Variants in BPI observed in about 807,000 individuals in gnomAD.
BPI encodes the protein bactericidal permeability increasing protein, also known as bactericidal permeability-increasing protein.
Under a neutral mutation model 57.6 loss-of-function variants are expected in BPI, and 48 were observed. The ratio of observed to expected loss-of-function variants is 0.83; its 90% CI spans 0.66 to 1.06. BPI has a LOEUF of 1.06. Among genes scored for constraint, BPI ranks in the 50% least tolerant of loss-of-function variants. The pLI is 0.00. For missense variants in BPI, 651 were observed against 609.7 expected (o/e 1.07, Z -0.71); for synonymous variants, 237 against 238.2 (o/e 0.99, Z 0.05).
At chr20:38,310,180 G>C (rs771739214) in intron 3 of BPI, among the ~76,000 whole-genome samples, 15 of 152,190 alleles carry the variant, frequency 9.9e-5, no homozygotes, top group Non-Finnish European at 2.2e-4. Context: ...TGCTGATCCA[G>C]GGTCTGAGGG....
At chr20:38,331,840 T>G (rs2076744061) in intron 12 of BPI, among the ~76,000 whole-genome samples, 1 of 139,304 alleles carries the variant, frequency 7.2e-6, no homozygotes, top group Admixed American at 7.2e-5. Flanking sequence ...TGAAATCTTG[T>G]CTCAAAAAAA....
intron 5 of BPI, among the ~76,000 whole-genome samples, chr20:38,313,766 G>A (rs1196578635): frequency 4.0e-5 from 6 of 150,184 alleles, no homozygotes; most frequent in Non-Finnish European, 3.0e-5. Flanking sequence ...GGTGATGACG[G>A]TGATGGTGAG....
intron 5 of BPI, among the ~76,000 whole-genome samples, chr20:38,313,628 C>T (rs977092509): frequency 1.3e-5 from 2 of 152,194 alleles, no homozygotes; most frequent in Non-Finnish European, 2.9e-5. Flanking sequence ...CCCTCTATAG[C>T]AGCCAAGCTA....
intron 7 of BPI, among the ~76,000 whole-genome samples, chr20:38,322,921 A>G (rs932041918): frequency 7.9e-5 from 12 of 152,170 alleles, no homozygotes; most frequent in Non-Finnish European, 1.8e-4. Context: ...TCTTATTATT[A>G]TTAAGAGTTG....
At chr20:38,314,317 T>C (rs1467433547) in intron 5 of BPI, among the ~76,000 whole-genome samples, 3 of 147,138 alleles carry the variant, frequency 2.0e-5, no homozygotes, top group Non-Finnish European at 4.5e-5. Context: ...GTGATGGTGA[T>C]GGTGATAGTG....
chr20:38,320,441 C>A (rs1207375363), intron 7 of BPI, among the ~76,000 whole-genome samples, 167 bp downstream of exon 7: 1 of 152,016 alleles, frequency 6.6e-6, no homozygotes, highest in Non-Finnish European at 1.5e-5. Context: ...ACTGGCCTCC[C>A]CGCCATTCCC....
intron 10 of BPI, 94 bp from the exon 11 acceptor site, chr20:38,327,494 C>T (rs1249260120): frequency 6.4e-6 from 9 of 1,395,878 alleles, no homozygotes; most frequent in South Asian, 1.2e-5. Flanking sequence ...TGCTGCCCTG[C>T]TGAGCCGTTG....
At chr20:38,324,661 G>C (rs1361329598) in intron 8 of BPI, 113 bp from the exon 9 acceptor site, 7 of 859,986 alleles carry the variant, frequency 8.1e-6, no homozygotes, top group Non-Finnish European at 1.2e-5. Context: ...GTCACATAGG[G>C]GCTGGCCACT....
intron 2 of BPI, among the ~76,000 whole-genome samples, chr20:38,308,152 G>C (rs2076605664): frequency 6.6e-6 from 1 of 152,128 alleles, no homozygotes; most frequent in Admixed American, 6.6e-5. Context: ...CCACCAGTAA[G>C]TCTCTCTAGA....
At chr20:38,309,388 C>A (rs2076611516) in intron 3 of BPI, among the ~76,000 whole-genome samples, 1 of 152,168 alleles carries the variant, frequency 6.6e-6, no homozygotes, top group Admixed American at 6.5e-5. Flanking sequence ...TGGCTTAAAA[C>A]AACAATCGGC....
In BPI at chr20:38,320,221, G is replaced by C. The variant is rs1467521415; in HGVS notation, c.703G>C (p.Gly235Arg). 6.2e-7 allele frequency: 1 copy of C among 1,613,908 alleles called. No homozygotes were observed. Among genetic ancestry groups the C allele is most frequent in the Non-Finnish European group, 8.5e-7 (1 of 1,179,994 alleles). ...AGATTCTGTGGCTGGAATCAACTAT[G>C]GTCTGGTGGCACCTCCAGCAACCAC... is the stretch of plus-strand genomic sequence containing the variant. ...KIDSVAGINY[G>R]LVAPPATTAE... is the part of the protein sequence containing the mutation. Residue 235 changes from glycine to arginine, a missense_variant, in exon 7 of 15, where the codon GGT (glycine) becomes CGT (arginine). Gly to Arg is a moderately radical substitution (Grantham distance 125). Coordinates refer to ENST00000642449, the MANE Select transcript of BPI (RefSeq NM_001725.3).
At chr20:38,318,810 T>A (rs1234050944) in intron 6 of BPI, among the ~76,000 whole-genome samples, 1 of 152,136 alleles carries the variant, frequency 6.6e-6, no homozygotes, top group African/African-American at 2.4e-5. Context: ...TCAGTTTCCA[T>A]GTCCTTAAAA....
intron 7 of BPI, among the ~76,000 whole-genome samples, chr20:38,321,203 A>G (rs1305908331): frequency 3.0e-5 from 1 of 33,486 alleles, no homozygotes; most frequent in Non-Finnish European, 5.7e-5. Context: ...ATAGATGGGT[A>G]GGCGGATGAG....
chr20:38,317,914 G>T (rs910611535), intron 5 of BPI: 6 of 985,242 alleles, frequency 6.1e-6, no homozygotes, highest in African/African-American at 5.2e-5. Flanking sequence ...GCAAAGGCAG[G>T]TAGGGAATGG....
rs11302517 is a variant in BPI, at chr20:38,328,834, C to CA, written c.1229+1192dup. ...CAACATAGTGAGACCTCGTCTCTAC[C>CA]AAAAAAAAAAAAATTGTTTTAATTA... is the stretch of plus-strand genomic sequence containing the variant. On this transcript the variant is annotated intron_variant, in intron 11 of 14. Transcript: ENST00000642449. Among the ~76,000 whole-genome samples the CA allele has an allele frequency of 2.3e-3, 319 of 141,326 alleles. 1 individual carries two copies. Among genetic ancestry groups the CA allele is most frequent in the Admixed American group, 3.0e-3 (42 of 14,180 alleles). The allele number at this position is 141,326 out of a possible 152,430, so 92.7% of individuals were successfully genotyped here.
At chr20:38,334,698 T>C (rs1165580628) in intron 13 of BPI, among the ~76,000 whole-genome samples, 1 of 152,172 alleles carries the variant, frequency 6.6e-6, no homozygotes, top group Admixed American at 6.5e-5. Context: ...GGTTGATTCA[T>C]TATTGCGTGA....
At chr20:38,320,551 T>G (rs1021202008) in intron 7 of BPI, among the ~76,000 whole-genome samples, 1 of 151,092 alleles carries the variant, frequency 6.6e-6, no homozygotes, top group Non-Finnish European at 1.5e-5. Context: ...CAGCTCTCCC[T>G]TGCTTCCTTC....
chr20:38,307,148 G>A (rs772374153), intron 1 of BPI, among the ~76,000 whole-genome samples: 24 of 152,094 alleles, frequency 1.6e-4, no homozygotes, highest in Admixed American at 2.0e-4. Flanking sequence ...GCAGTGAGCC[G>A]TGATCATGCC....
chr20:38,324,888 G>A, intron 9 of BPI, 55 bp downstream of exon 9: 1 of 1,436,446 alleles, frequency 7.0e-7, no homozygotes, highest in Non-Finnish European at 9.8e-7. Flanking sequence ...GGAGGACAGG[G>A]CTTTGCTGAG....
Sources: gnomAD v4.1 joint callset for allele counts (sites outside exome capture counted in the v4.1 genomes callset) on GRCh38, gnomAD v4.1.1 for gene constraint, MANE v1.5 for transcripts, NCBI Gene and HGNC (gene_info 2026-07-23, HGNC 2026-07-21) for gene names.